The following GRIK4 variants were observed in gnomAD, a reference collection of about 807,000 sequenced individuals.
The protein encoded by GRIK4 is glutamate ionotropic receptor kainate type subunit 4.
Under a neutral mutation model 104.9 loss-of-function variants are expected in GRIK4, and 40 were observed. That is an observed-to-expected ratio of 0.38 (90% CI 0.30 to 0.50). The LOEUF (loss-of-function observed/expected upper bound fraction) is 0.50. Ranked by LOEUF, GRIK4 falls within the 20% of genes least tolerant of loss-of-function variation. GRIK4 has a pLI of 0.93. For missense variants in GRIK4, 1,047 were observed against 1,308.1 expected (o/e 0.80, Z 3.08); for synonymous variants, 485 against 524.9 (o/e 0.92, Z 1.04).
intron 1 of GRIK4, among the ~76,000 whole-genome samples, chr11:120,621,286 G>A (rs765101355): frequency 6.6e-5 from 10 of 152,180 alleles, no homozygotes; most frequent in Admixed American, 2.0e-4. Flanking sequence ...TCTCCAATCA[G>A]CTGAGTGTTT....
At chr11:120,671,092 C>T (rs1174841538) in intron 3 of GRIK4, among the ~76,000 whole-genome samples, 2 of 152,250 alleles carry the variant, frequency 1.3e-5, no homozygotes, top group South Asian at 2.1e-4. Flanking sequence ...TTTCTTTATC[C>T]AGTCTATCAC....
chr11:120,653,009 AT>A (rs1412150298), intron 1 of GRIK4, among the ~76,000 whole-genome samples: 3 of 150,254 alleles, frequency 2.0e-5, no homozygotes, highest in South Asian at 4.4e-4. Flanking sequence ...TATGGACATA[AT>A]AGCAGGTGTG....
chr11:120,571,120 G>A (rs762550042), intron 1 of GRIK4, among the ~76,000 whole-genome samples: 9 of 152,138 alleles, frequency 5.9e-5, no homozygotes, highest in African/African-American at 1.9e-4. Context: ...CCTGGTGCCC[G>A]GCTGTTTTCC....
At chr11:120,745,788 AAGAGAT>A (rs1167943785) in intron 3 of GRIK4, among the ~76,000 whole-genome samples, 1 of 152,202 alleles carries the variant, frequency 6.6e-6, no homozygotes, top group Non-Finnish European at 1.5e-5. Context: ...AAGACTGAGA[AAGAGAT>A]AGAGCTTGTT....
intron 3 of GRIK4, among the ~76,000 whole-genome samples, chr11:120,746,074 GA>G (rs10712584): frequency 0.046 from 6,949 of 152,204 alleles, 518 homozygotes; most frequent in African/African-American, 0.15. Flanking sequence ...GAGTCACTGT[GA>G]AAAGTAAATG....
intron 19 of GRIK4, 152 bp from the exon 20 acceptor site, chr11:120,981,954 T>C (rs986960093): frequency 1.5e-6 from 1 of 662,068 alleles, no homozygotes; most frequent in African/African-American, 1.8e-5. Context: ...CTTCAAGGAC[T>C]GGGTGTCTAC....
At chr11:120,913,150 A>G (rs1200254247) in intron 13 of GRIK4, among the ~76,000 whole-genome samples, 1 of 152,234 alleles carries the variant, frequency 6.6e-6, no homozygotes, top group Non-Finnish European at 1.5e-5. Flanking sequence ...AAAATGAACC[A>G]CTGCCAGTTA....
At chr11:120,832,581 C>T (rs1416765839) in intron 7 of GRIK4, among the ~76,000 whole-genome samples, 2 of 152,142 alleles carry the variant, frequency 1.3e-5, no homozygotes, top group African/African-American at 2.4e-5. Context: ...AACTGAGACT[C>T]TGGGAGATGA....
intron 9 of GRIK4, among the ~76,000 whole-genome samples, chr11:120,862,606 TCTGTCCACCCC>T (rs1954291056): frequency 6.6e-6 from 1 of 152,142 alleles, no homozygotes; most frequent in South Asian, 2.1e-4. Flanking sequence ...GGTCTGGTGC[TCTGTCCACCCC>T]CTGGCCACTT....
intron 13 of GRIK4, among the ~76,000 whole-genome samples, chr11:120,916,426 A>T (rs1943106135): frequency 6.6e-6 from 1 of 152,234 alleles, no homozygotes. Context: ...ACCAGGATGG[A>T]TTCCTAGTGG....
At chr11:120,597,663 G>A (rs1038346877) in intron 1 of GRIK4, among the ~76,000 whole-genome samples, 5 of 152,218 alleles carry the variant, frequency 3.3e-5, no homozygotes, top group Non-Finnish European at 5.9e-5. Flanking sequence ...GTCCTGAGGT[G>A]GTGGGCCATG....
chr11:120,956,728 C>T lies in GRIK4; in HGVS notation c.1701-52C>T. 4 of 1,367,220 alleles carry T rather than the reference C, an allele frequency of 2.9e-6. No individual in the cohort carries two copies. The highest frequency in any genetic ancestry group is 3.9e-6 in the Non-Finnish European group (4 of 1,021,018). 84.7% of individuals were successfully genotyped at this position (1,367,220 alleles called of 1,614,324 possible). A position where few individuals can be genotyped will look rare whatever the true frequency, so the allele number is the denominator to read the frequency against. On this transcript the variant is annotated intron_variant, in intron 15 of 20. Transcript: ENST00000527524. This position sits in a 1 kb window ranked among gnomAD's most constrained non-coding sequence, Gnocchi z 4.6. ...ACCAGCCAGGAGAGCCTGCCTGTGTCCCTTCACACCCCGCCTCTGTGGCAC... is the reference window on the plus strand; with the variant it reads ...ACCAGCCAGGAGAGCCTGCCTGTGTTCCTTCACACCCCGCCTCTGTGGCAC...
chr11:120,519,285 C>T (rs948891325), intron 1 of GRIK4, among the ~76,000 whole-genome samples: 2 of 152,182 alleles, frequency 1.3e-5, no homozygotes, highest in African/African-American at 4.8e-5. Flanking sequence ...TTGGTGTTCC[C>T]CCAGAATTCA....
intron 8 of GRIK4, among the ~76,000 whole-genome samples, chr11:120,850,631 C>T (rs1396842551): frequency 6.6e-6 from 1 of 152,120 alleles, no homozygotes; most frequent in African/African-American, 2.4e-5. Context: ...AAACTGACAG[C>T]CAAGGCAAAG....
intron 1 of GRIK4, among the ~76,000 whole-genome samples, chr11:120,533,339 C>T (rs527618915): frequency 2.0e-5 from 3 of 152,324 alleles, no homozygotes; most frequent in East Asian, 3.9e-4. Context: ...GGGCAGAGTT[C>T]TGAGGGCTTT....
At position 120,924,132 on chromosome 11, in the gene GRIK4, G is replaced by A. The variant is rs950252495; in HGVS notation, c.1477-16215G>A. On this transcript the variant is annotated intron_variant, in intron 13 of 20. Coordinates refer to ENST00000527524, the MANE Select transcript of GRIK4 (RefSeq NM_014619.5). ...TGTTAAGCTGTTTGTGCCAGACGAGGAATCTAGACTCTTCTTCATCCAAAT... is the reference window on the plus strand; with the variant it reads ...TGTTAAGCTGTTTGTGCCAGACGAGAAATCTAGACTCTTCTTCATCCAAAT... Among the ~76,000 whole-genome samples, 5 of 152,184 alleles carry A rather than the reference G, an allele frequency of 3.3e-5. No individual in the cohort carries two copies. The East Asian group carries it at 9.6e-4, about 29-fold the overall frequency.
intron 1 of GRIK4, among the ~76,000 whole-genome samples, chr11:120,586,533 A>G (rs1219926925): frequency 3.3e-5 from 5 of 152,170 alleles, no homozygotes; most frequent in Non-Finnish European, 5.9e-5. Flanking sequence ...GACATGTTTT[A>G]GGTGGGTCAC....
chr11:120,982,136 T>G lies in GRIK4; in HGVS notation c.2426T>G (p.Phe809Cys), dbSNP rs780409014. The change falls in exon 20 of 21, where the codon TTT becomes TGT. Residue 809 changes from phenylalanine to cysteine, a missense_variant. Physicochemically the swap from Phe to Cys is radical, Grantham distance 205 (BLOSUM62 -2). Coordinates refer to ENST00000527524, the MANE Select transcript of GRIK4 (RefSeq NM_014619.5). Reference protein sequence around the residue: ...GLGMENIGGIFVVLICGLIVA... With the variant: ...GLGMENIGGICVVLICGLIVA... Reference sequence around the variant, plus strand: ...GGAATGGAGAATATTGGTGGAATCTTTGTGGTTCTTATTTGTGGCTTAATC... The same window carrying G: ...GGAATGGAGAATATTGGTGGAATCTGTGTGGTTCTTATTTGTGGCTTAATC... 6.2e-7 allele frequency: 1 copy of G among 1,612,232 alleles called. No homozygotes were observed. The highest frequency in any genetic ancestry group is 1.3e-5 in the African/African-American group (1 of 75,002).
intron 4 of GRIK4, among the ~76,000 whole-genome samples, chr11:120,806,457 A>G (rs1952714449): frequency 6.6e-6 from 1 of 152,108 alleles, no homozygotes. Context: ...CCCAGGGCTA[A>G]TTTGCATCAT....
Sources: allele counts gnomAD v4.1 joint callset (sites outside exome capture counted in the v4.1 genomes callset), GRCh38; gene constraint gnomAD v4.1.1; non-coding constraint Gnocchi (gnomAD v3.1); transcripts MANE v1.5; gene names NCBI Gene and HGNC (gene_info 2026-07-23, HGNC 2026-07-21).